Variants in RHOBTB1 observed in about 807,000 individuals in gnomAD.
RHOBTB1 encodes the protein Rho related BTB domain containing 1.
A neutral mutation model predicts 71.6 loss-of-function variants in RHOBTB1; 40 were observed. The ratio of observed to expected loss-of-function variants is 0.56; its 90% CI spans 0.43 to 0.73. RHOBTB1 has a LOEUF of 0.73. RHOBTB1 is among the 30% of genes least tolerant of loss of function. RHOBTB1 has a pLI of 0.00. For synonymous variants in RHOBTB1, 319 were observed against 334.9 expected (o/e 0.95, Z 0.52); for missense variants, 797 against 894.0 (o/e 0.89, Z 1.38).
chr10:60,990,077 A>C (rs1176987449), intron 1 of RHOBTB1, among the ~76,000 whole-genome samples: 1 of 142,908 alleles, frequency 7.0e-6, no homozygotes, highest in Non-Finnish European at 1.5e-5. Flanking sequence ...CCGCCTCCTG[A>C]GTTCATGCCA....
At chr10:60,926,220 G>T (rs375759880) in intron 2 of RHOBTB1, among the ~76,000 whole-genome samples, 1 of 152,124 alleles carries the variant, frequency 6.6e-6, no homozygotes, top group Non-Finnish European at 1.5e-5. Flanking sequence ...CAGGGCAACA[G>T]AGCAACACTC....
intron 4 of RHOBTB1, among the ~76,000 whole-genome samples, chr10:60,898,246 G>T (rs537895105): frequency 6.6e-6 from 1 of 152,110 alleles, no homozygotes; most frequent in Non-Finnish European, 1.5e-5. Flanking sequence ...ATTCAAGTAG[G>T]AGTGTCTGAC....
chr10:60,968,253 G>A (rs2086038837), intron 2 of RHOBTB1, among the ~76,000 whole-genome samples: 1 of 152,136 alleles, frequency 6.6e-6, no homozygotes, highest in Non-Finnish European at 1.5e-5. Context: ...TAAAACCACA[G>A]AAAGATGACA....
intron 2 of RHOBTB1, among the ~76,000 whole-genome samples, chr10:60,963,823 C>A (rs2134560635): frequency 6.6e-6 from 1 of 152,288 alleles, no homozygotes; most frequent in South Asian, 2.1e-4. Context: ...TTGTTCCACA[C>A]ATTACCAACG....
At chr10:60,979,056 C>T (rs377332974) in intron 2 of RHOBTB1, among the ~76,000 whole-genome samples, 122 of 152,242 alleles carry the variant, frequency 8.0e-4, no homozygotes, top group African/African-American at 2.8e-3. Flanking sequence ...TTATGGCTTC[C>T]TTGTCATCAG....
At chr10:60,872,986 C>T (rs2132196029) in intron 9 of RHOBTB1, among the ~76,000 whole-genome samples, 1 of 152,308 alleles carries the variant, frequency 6.6e-6, no homozygotes, top group East Asian at 1.9e-4. Context: ...TCTGACTTCC[C>T]TTCTGTTGTC....
chr10:60,879,947 C>G (rs1240064468), intron 7 of RHOBTB1, among the ~76,000 whole-genome samples: 3 of 152,028 alleles, frequency 2.0e-5, no homozygotes, highest in Non-Finnish European at 4.4e-5. Context: ...CATGTACAGA[C>G]TTTTTTCTTG....
chr10:60,912,199 GTGTGTATATATA>G (rs1423807897), intron 2 of RHOBTB1, among the ~76,000 whole-genome samples: 1 of 145,134 alleles, frequency 6.9e-6, no homozygotes, highest in Non-Finnish European at 1.5e-5. Flanking sequence ...ATATATGTGT[GTGTGTATATATA>G]TGTGTATATA....
intron 2 of RHOBTB1, among the ~76,000 whole-genome samples, chr10:60,957,353 G>A (rs1427509825): frequency 6.6e-6 from 1 of 152,220 alleles, no homozygotes; most frequent in Non-Finnish European, 1.5e-5. Flanking sequence ...TAGAATGTGA[G>A]TAATGTGTGG....
chr10:60,884,563 A>G (rs1452602360), intron 7 of RHOBTB1, among the ~76,000 whole-genome samples: 1 of 152,240 alleles, frequency 6.6e-6, no homozygotes, highest in Non-Finnish European at 1.5e-5. Flanking sequence ...TATTCACAAT[A>G]GCCAAGATAT....
chr10:60,903,902 G>A (rs1325902147), intron 4 of RHOBTB1, among the ~76,000 whole-genome samples: 2 of 151,972 alleles, frequency 1.3e-5, no homozygotes, highest in Non-Finnish European at 2.9e-5. Flanking sequence ...AACATATATA[G>A]TCTAACACAC....
chr10:60,968,015 T>C (rs913405802), intron 2 of RHOBTB1, among the ~76,000 whole-genome samples: 3 of 152,084 alleles, frequency 2.0e-5, no homozygotes, highest in African/African-American at 7.2e-5. Context: ...GCAGAGGGAC[T>C]GCAGTCCTAG....
chr10:60,999,898 C>T (rs1021450156), intron 1 of RHOBTB1, among the ~76,000 whole-genome samples: 1 of 152,130 alleles, frequency 6.6e-6, no homozygotes, highest in Admixed American at 6.5e-5. Flanking sequence ...GCTTATTTTA[C>T]GATTCTCTGC....
intron 2 of RHOBTB1, among the ~76,000 whole-genome samples, chr10:60,916,459 T>G (rs1363236519): frequency 1.3e-5 from 2 of 152,226 alleles, no homozygotes; most frequent in African/African-American, 2.4e-5. Context: ...TGAGAAATCA[T>G]AAATCATTAC....
At chr10:60,997,064 TACACACACACACACACAC>T (rs3049452) in intron 1 of RHOBTB1, among the ~76,000 whole-genome samples, 1 of 144,836 alleles carries the variant, frequency 6.9e-6, no homozygotes, top group East Asian at 2.1e-4. Flanking sequence ...CATGGTTATG[TACACACACACACACACAC>T]ACACACACAC....
chr10:60,924,749 C>A (rs991664904), intron 2 of RHOBTB1, among the ~76,000 whole-genome samples: 10 of 152,272 alleles, frequency 6.6e-5, no homozygotes, highest in African/African-American at 2.2e-4. Context: ...TGTTAGGCCA[C>A]AAAACAAGTC....
At chr10:60,953,993 T>C (rs1025735917) in intron 2 of RHOBTB1, among the ~76,000 whole-genome samples, 3 of 152,146 alleles carry the variant, frequency 2.0e-5, no homozygotes, top group Admixed American at 2.0e-4. Flanking sequence ...TATTCCATGT[T>C]ATTGTGGTTT....
intron 2 of RHOBTB1, among the ~76,000 whole-genome samples, chr10:60,981,218 A>C (rs1471821253): frequency 6.6e-6 from 1 of 152,208 alleles, no homozygotes; most frequent in Non-Finnish European, 1.5e-5. Flanking sequence ...ATTCTTTACA[A>C]TGAGAAGAGA....
intron 2 of RHOBTB1, among the ~76,000 whole-genome samples, chr10:60,912,374 C>G (rs1370902750): frequency 6.6e-6 from 1 of 152,108 alleles, no homozygotes; most frequent in Non-Finnish European, 1.5e-5. Flanking sequence ...GCTGGCATTA[C>G]AGGTGCCCAC....
Sources: allele counts gnomAD v4.1 joint callset (sites outside exome capture counted in the v4.1 genomes callset), GRCh38; gene constraint gnomAD v4.1.1; transcripts MANE v1.5; gene names NCBI Gene and HGNC (gene_info 2026-07-23, HGNC 2026-07-21).